The following B3GALT1 variants were observed in gnomAD, a reference collection of about 807,000 sequenced individuals.
B3GALT1 encodes the protein UDP-Gal:betaGlcNAc beta 1,3-galactosyltransferase, polypeptide 1.
Under a neutral mutation model 23.2 loss-of-function variants are expected in B3GALT1, and 10 were observed. That is an observed-to-expected ratio of 0.43 (90% CI 0.27 to 0.73). The LOEUF (loss-of-function observed/expected upper bound fraction) is 0.73. Among genes scored for constraint, B3GALT1 ranks in the 30% least tolerant of loss-of-function variants. B3GALT1 has a pLI of 0.21. For missense variants in B3GALT1, 299 were observed against 405.4 expected, an observed-to-expected ratio of 0.74 and a Z score of 2.25; for synonymous variants, 156 against 141.5, an observed-to-expected ratio of 1.10 and a Z score of -0.73.
intron 3 of B3GALT1, among the ~76,000 whole-genome samples, chr2:167,675,818 A>T (rs779051652): frequency 2.0e-4 from 30 of 151,698 alleles, no homozygotes; most frequent in Non-Finnish European, 3.8e-4. Context: ...ACAGCCAGGT[A>T]TTTCACCTGA....
rs184241929 is a variant in B3GALT1 at position 167,631,396 on chromosome 2, A to G, written c.-409-15513A>G. 182 of 151,998 alleles carry G rather than the reference A, an allele frequency of 1.2e-3. 1 individual carries two copies. The highest frequency in any genetic ancestry group is 4.0e-3 in the African/African-American group (165 of 41,536). 9.4% of individuals were successfully genotyped at this position (151,998 alleles called of 1,614,324 possible). A position where few individuals can be genotyped will look rare whatever the true frequency, so the allele number is the denominator to read the frequency against. On this transcript the variant is annotated intron_variant, in intron 2 of 4. Coordinates refer to ENST00000392690, the MANE Select transcript of B3GALT1 (RefSeq NM_020981.4). ...AGATACCTGCTCTTTAGATTCTACA[A>G]TTTGCCCTTTTAAAAACTCTAGATT...
intron 4 of B3GALT1, among the ~76,000 whole-genome samples, 93 bp from the exon 5 acceptor site, chr2:167,868,718 T>C (rs141023773): frequency 7.9e-4 from 121 of 152,328 alleles, no homozygotes; most frequent in Non-Finnish European, 3.7e-4. Flanking sequence ...TTTTAATCCT[T>C]GAGGGCAATT....
chr2:167,856,726 T>C (rs1690006707), intron 4 of B3GALT1, among the ~76,000 whole-genome samples: 1 of 152,126 alleles, frequency 6.6e-6, no homozygotes, highest in Admixed American at 6.5e-5. Context: ...AGGAGTTAAA[T>C]AGGTAAGGAA....
chr2:167,663,872 G>C (rs1686120073), intron 3 of B3GALT1, among the ~76,000 whole-genome samples: 1 of 152,006 alleles, frequency 6.6e-6, no homozygotes, highest in African/African-American at 2.4e-5. Flanking sequence ...CCCTTTGTCA[G>C]ATGAGTAGGT....
intron 3 of B3GALT1, among the ~76,000 whole-genome samples, chr2:167,668,953 T>C (rs1185684252): frequency 6.6e-6 from 1 of 152,226 alleles, no homozygotes; most frequent in African/African-American, 2.4e-5. Flanking sequence ...CTGTTCCTAT[T>C]TGGCCATCCT....
At chr2:167,666,287 T>C (rs1686186203) in intron 3 of B3GALT1, among the ~76,000 whole-genome samples, 1 of 152,256 alleles carries the variant, frequency 6.6e-6, no homozygotes, top group African/African-American at 2.4e-5. Flanking sequence ...TCCTGAGTTC[T>C]AGTTTGATTG....
chr2:167,432,275 C>A (rs1056127516), intron 1 of B3GALT1, among the ~76,000 whole-genome samples: 1 of 152,114 alleles, frequency 6.6e-6, no homozygotes, highest in African/African-American at 2.4e-5. Context: ...AATTGGGACA[C>A]CAATGGCTGT....
At chr2:167,866,581 A>G (rs1159641931) in intron 4 of B3GALT1, among the ~76,000 whole-genome samples, 1 of 152,216 alleles carries the variant, frequency 6.6e-6, no homozygotes, top group African/African-American at 2.4e-5. Context: ...ATAACTTGTG[A>G]AATGAACTCT....
At chr2:167,843,146 T>G (rs1255095248) in intron 4 of B3GALT1, among the ~76,000 whole-genome samples, 3 of 152,180 alleles carry the variant, frequency 2.0e-5, no homozygotes, top group African/African-American at 7.2e-5. Flanking sequence ...CTGACAAAAT[T>G]AAAAATCCTG....
intron 2 of B3GALT1, among the ~76,000 whole-genome samples, chr2:167,536,155 C>T (rs1004035039): frequency 3.9e-5 from 6 of 152,102 alleles, no homozygotes; most frequent in Non-Finnish European, 8.8e-5. Flanking sequence ...GATCCACCTG[C>T]GTCGGCCTCC....
At chr2:167,653,466 G>A (rs746743427) in intron 3 of B3GALT1, among the ~76,000 whole-genome samples, 14 of 152,082 alleles carry the variant, frequency 9.2e-5, no homozygotes, top group Non-Finnish European at 5.9e-5. Flanking sequence ...TTCACTCCAA[G>A]CATCTGAGAA....
At chr2:167,542,064 T>C (rs776468307) in intron 2 of B3GALT1, among the ~76,000 whole-genome samples, 1 of 152,132 alleles carries the variant, frequency 6.6e-6, no homozygotes, top group Non-Finnish European at 1.5e-5. Flanking sequence ...TTTATTTATT[T>C]ATTACATGTG....
intron 1 of B3GALT1, among the ~76,000 whole-genome samples, chr2:167,473,543 A>T (rs1699447987): frequency 6.6e-6 from 1 of 152,120 alleles, no homozygotes; most frequent in Non-Finnish European, 1.5e-5. Context: ...AAAAAGAAAT[A>T]ACTCATATTA....
intron 2 of B3GALT1, among the ~76,000 whole-genome samples, chr2:167,638,914 T>C (rs1293590020): frequency 6.6e-6 from 1 of 152,058 alleles, no homozygotes; most frequent in Non-Finnish European, 1.5e-5. Context: ...GGCAAATTAC[T>C]TTTCTGGTCC....
intron 2 of B3GALT1, among the ~76,000 whole-genome samples, chr2:167,500,749 G>A (rs1425597364): frequency 2.6e-5 from 4 of 152,020 alleles, no homozygotes; most frequent in African/African-American, 9.7e-5. Flanking sequence ...TCATCTTTTG[G>A]CTAATGTTAT....
Position 167,414,331 on chromosome 2 carries a change from A to G in B3GALT1, c.-510-75846A>G, listed in dbSNP as rs1698435880. ...ATCTTGACTTGGCAGTTGACTGACT[A>G]TGTAATTCTGGCCAAGTGACTCTGA... On this transcript the variant is annotated intron_variant, in intron 1 of 4. Coordinates refer to ENST00000392690, the MANE Select transcript of B3GALT1 (RefSeq NM_020981.4). Among the ~76,000 whole-genome samples the G allele has an allele frequency of 2.0e-5, 3 of 152,276 alleles. No individual in the cohort carries two copies. In the South Asian group the frequency reaches 6.2e-4, roughly 32 times the overall value.
intron 2 of B3GALT1, among the ~76,000 whole-genome samples, chr2:167,534,060 TTTTC>T (rs1388997110): frequency 2.0e-5 from 3 of 152,162 alleles, no homozygotes; most frequent in African/African-American, 7.2e-5. Flanking sequence ...TATTAATGTG[TTTTC>T]TTTGTCTCTG....
chr2:167,579,481 G>A (rs1407038536), intron 2 of B3GALT1, among the ~76,000 whole-genome samples: 2 of 121,336 alleles, frequency 1.6e-5, no homozygotes, highest in African/African-American at 3.3e-5. Flanking sequence ...CTCCACCCAC[G>A]AACACTTAAA....
intron 4 of B3GALT1, among the ~76,000 whole-genome samples, chr2:167,855,422 C>T (rs1689982512): frequency 6.6e-6 from 1 of 151,252 alleles, no homozygotes; most frequent in Non-Finnish European, 1.5e-5. Context: ...AAAATGGGAA[C>T]CATGCCTACT....
Sources: gnomAD v4.1 joint callset for allele counts (sites outside exome capture counted in the v4.1 genomes callset) on GRCh38, gnomAD v4.1.1 for gene constraint, MANE v1.5 for transcripts, NCBI Gene and HGNC (gene_info 2026-07-23, HGNC 2026-07-21) for gene names.